The following MEI1 variants were observed in gnomAD, a reference collection of about 807,000 sequenced individuals.
The protein encoded by MEI1 is meiosis inhibitor protein 1.
A neutral mutation model predicts 146.2 loss-of-function variants in MEI1; 103 were observed. The observed-to-expected ratio is 0.70, with a 90% confidence interval of 0.60 to 0.83. The LOEUF (loss-of-function observed/expected upper bound fraction) is 0.83, where lower values mean the gene tolerates loss of function less well. MEI1 is among the 40% of genes least tolerant of loss of function. The probability of loss-of-function intolerance (pLI) is 0.00; values close to 1 mark genes in which losing one functional copy is unlikely to be tolerated. For synonymous variants in MEI1, 652 were observed against 628.2 expected (o/e 1.04, Z -0.57); for missense variants, 1,529 against 1,533.0 (o/e 1.00, Z 0.04).
At chr22:41,742,210 A>G (rs960627933) in intron 11 of MEI1, among the ~76,000 whole-genome samples, 2 of 152,104 alleles carry the variant, frequency 1.3e-5, no homozygotes, top group Non-Finnish European at 2.9e-5. Context: ...CAGGGAGCCA[A>G]GATCACACCA....
At position 41,765,269 on chromosome 22, in the gene MEI1, G is replaced by A. The variant is rs189992701; in HGVS notation, c.2268+1948G>A. 3.3e-4 allele frequency among the ~76,000 whole-genome samples: 50 copies of A among 152,334 alleles called. No homozygotes were observed. In the East Asian group the frequency reaches 7.1e-3, roughly 22 times the overall value. The stretch of plus-strand genomic sequence containing the variant: ...GACCTCAGGCGATCCACCCACCTCA[G>A]CCTTTCAAAGTGCTGGGATTACAGG... On this transcript the variant is annotated intron_variant, in intron 19 of 30. Coordinates refer to ENST00000401548, the MANE Select transcript of MEI1 (RefSeq NM_152513.4).
At chr22:41,747,770 ATAT>A (rs923047776) in intron 14 of MEI1, among the ~76,000 whole-genome samples, 24 of 148,834 alleles carry the variant, frequency 1.6e-4, no homozygotes, top group Non-Finnish European at 3.1e-4. Flanking sequence ...TTTATAAACT[ATAT>A]TATTATTATT....
At chr22:41,770,070 G>A (rs556636895) in intron 19 of MEI1, among the ~76,000 whole-genome samples, 2 of 151,950 alleles carry the variant, frequency 1.3e-5, no homozygotes, top group African/African-American at 4.8e-5. Flanking sequence ...GGAGGCAGAG[G>A]TTGCGGTGAG....
chr22:41,711,200 TCTCA>T (rs1160207356), intron 3 of MEI1, among the ~76,000 whole-genome samples: 6 of 152,008 alleles, frequency 3.9e-5, no homozygotes, highest in Middle Eastern at 3.4e-3. Flanking sequence ...TTTGAGACAA[TCTCA>T]CTCTGTTGCC....
intron 6 of MEI1, among the ~76,000 whole-genome samples, chr22:41,723,475 A>G (rs2071048905): frequency 6.6e-6 from 1 of 152,122 alleles, no homozygotes; most frequent in East Asian, 1.9e-4. Context: ...TTGGCCTCCC[A>G]AAGTGCTGGG....
In MEI1 at chr22:41,724,019, T is replaced by G. The variant is rs1177906642; in HGVS notation, c.810T>G (p.Ala270=). The change falls in exon 7 of 31, where the codon GCT becomes GCG. Residue 270 remains alanine, a synonymous_variant. Coordinates refer to ENST00000401548, the MANE Select transcript of MEI1 (RefSeq NM_152513.4). ...IMNQDGLGES[A]KNIEGSSGNT... ...ACCAGGATGGACTGGGAGAAAGTGC[T>G]AAGAATATCGAAGGGTCATCAGGAA... is the stretch of plus-strand genomic sequence containing the variant. 1 of 1,613,858 alleles carries G rather than the reference T, an allele frequency of 6.2e-7. No homozygotes were observed.
At chr22:41,784,876 T>G (rs2075898442) in intron 26 of MEI1, 93 bp downstream of exon 26, 2 of 808,784 alleles carry the variant, frequency 2.5e-6, no homozygotes, top group South Asian at 5.5e-5. Context: ...TACCAGGGCT[T>G]GGAGGGTGGA....
chr22:41,762,288 T>C (rs927632040), intron 18 of MEI1, among the ~76,000 whole-genome samples: 1 of 151,896 alleles, frequency 6.6e-6, no homozygotes, highest in Non-Finnish European at 1.5e-5. Flanking sequence ...TATCCTGTCC[T>C]TTCCTCTTTT....
intron 11 of MEI1, among the ~76,000 whole-genome samples, chr22:41,734,379 A>G (rs13054514): frequency 0.64 from 96,978 of 151,866 alleles, 34,091 homozygotes; most frequent in East Asian, 0.92. Context: ...AATTACCTGA[A>G]GTCAGGAGTT....
intron 18 of MEI1, among the ~76,000 whole-genome samples, chr22:41,761,324 T>G (rs1333150007): frequency 1.3e-5 from 2 of 148,914 alleles, no homozygotes; most frequent in African/African-American, 4.9e-5. Context: ...TTTTTGTTTT[T>G]TTTTTTTTGA....
intron 9 of MEI1, among the ~76,000 whole-genome samples, chr22:41,731,596 G>A (rs990981815): frequency 4.2e-4 from 64 of 152,140 alleles, no homozygotes; most frequent in African/African-American, 1.5e-3. Flanking sequence ...GACCTCAGGT[G>A]ATCTGCCTGC....
chr22:41,792,431 CTT>C (rs1283439403), intron 26 of MEI1, among the ~76,000 whole-genome samples: 2 of 152,180 alleles, frequency 1.3e-5, no homozygotes, highest in Non-Finnish European at 2.9e-5. Flanking sequence ...TTTTACTAAT[CTT>C]TATGTTCTCC....
chr22:41,754,590 C>T lies in MEI1; in HGVS notation c.1951+544C>T, dbSNP rs575728989. On this transcript the variant is annotated intron_variant, in intron 17 of 30. Coordinates refer to ENST00000401548, the MANE Select transcript of MEI1 (RefSeq NM_152513.4). The stretch of plus-strand genomic sequence containing the variant: ...CTGGGATTACAGGCTCCTGCCACCA[C>T]GCCTGGCTAATTTTTGCATTTTTAG... Among the ~76,000 whole-genome samples, 12 of 152,186 alleles carry T rather than the reference C, an allele frequency of 7.9e-5. No individual in the cohort carries two copies. In the East Asian group the frequency reaches 9.7e-4, roughly 12 times the overall value.
rs114116356 is a variant in MEI1 at position 41,703,296 on chromosome 22, G to A, written c.175-35G>A. 419 of 1,603,452 alleles carry A rather than the reference G, an allele frequency of 2.6e-4. No homozygotes were observed. In the African/African-American group the frequency reaches 5.2e-3, roughly 20 times the overall value. ...TTGGATTCAGAATAGCCAAAATTTG[G>A]TTGCTATTGAATGTTTTTCTTCATT... On this transcript the variant is annotated intron_variant, in intron 1 of 30. Coordinates refer to ENST00000401548, the MANE Select transcript of MEI1 (RefSeq NM_152513.4).
intron 7 of MEI1, 132 bp from the exon 8 acceptor site, chr22:41,729,533 C>G (rs1322063815): frequency 2.9e-6 from 2 of 678,120 alleles, no homozygotes; most frequent in Non-Finnish European, 5.3e-6. Context: ...TGACCACCAT[C>G]CTTGTGCCTG....
rs1222933437 is a variant in MEI1, at chr22:41,781,359, G to A, written c.2891G>A (p.Ser964Asn). 1 of 1,613,548 alleles carries A rather than the reference G, an allele frequency of 6.2e-7. No individual in the cohort carries two copies. Among genetic ancestry groups the A allele is most frequent in the Non-Finnish European group, 8.5e-7 (1 of 1,179,760 alleles). Residue 964 changes from serine (S) to asparagine (N), a missense_variant, in exon 23 of 31, where the codon AGC becomes AAC. By Grantham distance (46) the Ser-to-Asn change is conservative. This residue lies in a region of MEI1 where 1,212 missense variants were observed against 1,178.9 expected (regional missense o/e 1.03). Transcript: ENST00000401548. ...LQPSFNFLYW[S>N]LHQTTPSSQK... is the part of the protein sequence containing the mutation. ...CCCTCCTTCAACTTCCTGTATTGGA[G>A]CCTTCATCAGACCACACCCAGCAGT...
intron 2 of MEI1, among the ~76,000 whole-genome samples, chr22:41,704,666 G>A (rs542878091): frequency 5.4e-4 from 82 of 151,912 alleles, no homozygotes; most frequent in South Asian, 3.3e-3. Context: ...TGCCTGCCTT[G>A]GCCTCCCAAA....
chr22:41,714,233 C>T (rs1569158860), intron 4 of MEI1, among the ~76,000 whole-genome samples, 158 bp downstream of exon 4: 1 of 152,154 alleles, frequency 6.6e-6, no homozygotes, highest in Non-Finnish European at 1.5e-5. Flanking sequence ...GGCCTGGGTC[C>T]ACTGATCATG....
At chr22:41,745,853 G>T (rs1466328635) in intron 13 of MEI1, 32 bp from the exon 14 acceptor site, 3 of 1,575,788 alleles carry the variant, frequency 1.9e-6, no homozygotes, top group Admixed American at 1.7e-5. Flanking sequence ...TGCATAGGTG[G>T]TAGTGGATAT....
Sources: allele counts gnomAD v4.1 joint callset (sites outside exome capture counted in the v4.1 genomes callset), GRCh38; gene constraint gnomAD v4.1.1; regional missense constraint gnomAD v4.1.1; transcripts MANE v1.5; gene names NCBI Gene and HGNC (gene_info 2026-07-23, HGNC 2026-07-21).